Variants in POLD1 observed in about 807,000 individuals in gnomAD.
POLD1 encodes the protein DNA polymerase delta 1, catalytic subunit, also known as DNA polymerase delta catalytic subunit.
A neutral mutation model predicts 129.7 loss-of-function variants in POLD1; 79 were observed. The observed-to-expected ratio is 0.61, with a 90% confidence interval of 0.51 to 0.73. The LOEUF (loss-of-function observed/expected upper bound fraction) is 0.73, where lower values mean the gene tolerates loss of function less well. Ranked by LOEUF, POLD1 falls within the 30% of genes least tolerant of loss-of-function variation. The probability of loss-of-function intolerance (pLI) is 0.00; values close to 1 mark genes in which losing one functional copy is unlikely to be tolerated. For missense variants in POLD1, 1,338 were observed against 1,595.8 expected (o/e 0.84, Z 2.75); for synonymous variants, 714 against 683.3 (o/e 1.04, Z -0.70).
chr19:50,401,396 T>TACA (rs1555789658), intron 3 of POLD1, among the ~76,000 whole-genome samples: 1 of 78,760 alleles, frequency 1.3e-5, no homozygotes, highest in Non-Finnish European at 2.4e-5. Flanking sequence ...TATATATTTT[T>TACA]TTTTTTTTTT....
intron 24 of POLD1, 76 bp from the exon 25 acceptor site, chr19:50,416,969 A>G (rs2039321933): frequency 1.4e-6 from 2 of 1,427,436 alleles, no homozygotes; most frequent in Admixed American, 4.5e-5. Context: ...AGAAGCTGGG[A>G]TTGGCAGTGG....
At chr19:50,416,104 TACCCCCACCCCCAGTG>T in intron 22 of POLD1, 1 of 568,998 alleles carries the variant, frequency 1.8e-6, no homozygotes, top group Non-Finnish European at 3.1e-6. Context: ...CCTCCAGCTC[TACCCCCACCCCCAGTG>T]ACCCACATCT....
Position 50,398,865 on chromosome 19 carries a change from G to A in POLD1, c.14G>A (p.Arg5Gln), listed in dbSNP as rs748471297. The change falls in exon 2 of 27, where the codon CGG becomes CAG. Residue 5 changes from arginine to glutamine, a missense_variant. By Grantham distance (43) the Arg-to-Gln change is conservative. Coordinates refer to ENST00000440232, the MANE Select transcript of POLD1 (RefSeq NM_002691.4). ...TTGCCCAGCAGGATGGATGGCAAGC[G>A]GCGGCCAGGCCCAGGGCCCGGGGTG... MDGK[R>Q]RPGPGPGVPP... The A allele has an allele frequency of 4.2e-5, 67 of 1,608,202 alleles. No homozygotes were observed. The highest frequency in any genetic ancestry group is 6.7e-5 in the Admixed American group (4 of 59,434).
At chr19:50,384,805 T>G (rs2037915096) in intron 1 of POLD1, among the ~76,000 whole-genome samples, 1 of 152,156 alleles carries the variant, frequency 6.6e-6, no homozygotes, top group Non-Finnish European at 1.5e-5. Flanking sequence ...TGAGTTTTAA[T>G]AGATCAGTAA....
intron 3 of POLD1, among the ~76,000 whole-genome samples, chr19:50,400,992 G>C (rs935419281): frequency 1.3e-5 from 2 of 151,506 alleles, no homozygotes; most frequent in Non-Finnish European, 2.9e-5. Flanking sequence ...CACCGCGCCC[G>C]GCCTGGCTAA....
intron 10 of POLD1, among the ~76,000 whole-genome samples, chr19:50,404,324 G>T (rs1408966815): frequency 2.1e-5 from 3 of 141,720 alleles, no homozygotes; most frequent in Non-Finnish European, 4.5e-5. Flanking sequence ...GTGCAGTGGC[G>T]CAATCTTGGC....
chr19:50,395,223 C>T (rs535500847), intron 1 of POLD1: 1 of 144,890 alleles, frequency 6.9e-6, no homozygotes, highest in African/African-American at 2.8e-5. Flanking sequence ...TAGTGTAGGC[C>T]GGGCGCGGTG....
intron 3 of POLD1, among the ~76,000 whole-genome samples, chr19:50,401,391 A>ATATAT (rs1334231607): frequency 6.8e-4 from 45 of 65,992 alleles, no homozygotes; most frequent in Non-Finnish European, 8.5e-4. Context: ...ATATATATAT[A>ATATAT]TTTTTTTTTT....
intron 1 of POLD1, chr19:50,395,010 T>TC (rs1170583710): frequency 6.6e-6 from 1 of 150,496 alleles, no homozygotes; most frequent in East Asian, 2.0e-4. Flanking sequence ...TAATTTTTTT[T>TC]TTTTTTTTTT....
chr19:50,386,681 C>T (rs900599355), intron 1 of POLD1, among the ~76,000 whole-genome samples: 1 of 152,176 alleles, frequency 6.6e-6, no homozygotes, highest in Non-Finnish European at 1.5e-5. Context: ...CGAACACTGC[C>T]TAAGGCCTCC....
At chr19:50,416,746 C>T (rs2122499245) in intron 24 of POLD1, 23 bp downstream of exon 24, 1 of 1,462,756 alleles carries the variant, frequency 6.8e-7, no homozygotes, top group Non-Finnish European at 9.2e-7. Context: ...GGCCACTGGG[C>T]CCCCACTGGC....
intron 1 of POLD1, among the ~76,000 whole-genome samples, chr19:50,398,207 A>G (rs978884224): frequency 5.3e-5 from 8 of 152,154 alleles, no homozygotes; most frequent in African/African-American, 1.7e-4. Context: ...TGTCATTTCA[A>G]TGGCAGATGG....
In POLD1 at chr19:50,415,433, T is replaced by C. The variant is rs2122474072; in HGVS notation, c.2565-5T>C. 1 of 1,611,816 alleles carries C rather than the reference T, an allele frequency of 6.2e-7. No individual in the cohort carries two copies. On this transcript the variant is annotated splice_polypyrimidine_tract_variant and splice_region_variant and intron_variant, in intron 20 of 26. Coordinates refer to ENST00000440232, the MANE Select transcript of POLD1 (RefSeq NM_002691.4). ...GGTGACGCTGTGCGGCCCGCTCTCC[T>C]ACAGAGACCCTGAGGGCGCGGTGGC... is the stretch of plus-strand genomic sequence containing the variant.
In POLD1 at chr19:50,403,061, C is replaced by A. The variant is rs2038721213; in HGVS notation, c.979C>A (p.Pro327Thr). Reference sequence around the variant, plus strand: ...ATCCTCCTGCCTCGCAGGCATCTTCCCTGAGCCTGAGCGGGACCCTGTCAT... The same window carrying A: ...ATCCTCCTGCCTCGCAGGCATCTTCACTGAGCCTGAGCGGGACCCTGTCAT... ...IECAGRKGIFPEPERDPVIQI... is the reference protein window; with the variant it reads ...IECAGRKGIFTEPERDPVIQI... Residue 327 changes from proline (P) to threonine (T), a missense_variant, in exon 9 of 27, where the codon CCT (proline) becomes ACT (threonine). Coordinates refer to ENST00000440232, the MANE Select transcript of POLD1 (RefSeq NM_002691.4). The A allele has an allele frequency of 6.4e-7, 1 of 1,558,874 alleles. No homozygotes were observed. Among genetic ancestry groups the A allele is most frequent in the South Asian group, 1.2e-5 (1 of 84,670 alleles).
At position 50,415,824 on chromosome 19, in the gene POLD1, G is replaced by A. The variant is rs1414539977; in HGVS notation, c.2818G>A (p.Glu940Lys). Residue 940 changes from glutamate (E) to lysine (K), a missense_variant and splice_region_variant, in exon 22 of 27, where the codon GAG becomes AAG. Glu to Lys is a moderately conservative substitution (Grantham distance 56). Coordinates refer to ENST00000440232, the MANE Select transcript of POLD1 (RefSeq NM_002691.4). Reference sequence around the variant, plus strand: ...GGGTGTGGCCGCCTACATGAAGTCGGAGGTCAGGCCCACCTGGCTGCCTGC... The same window carrying A: ...GGGTGTGGCCGCCTACATGAAGTCGAAGGTCAGGCCCACCTGGCTGCCTGC... ...AKGVAAYMKS[E>K]DPLFVLEHSL... The A allele has an allele frequency of 2.0e-6, 3 of 1,516,872 alleles. No individual in the cohort carries two copies. Among genetic ancestry groups the A allele is most frequent in the Non-Finnish European group, 2.7e-6 (3 of 1,130,362 alleles). The allele number at this position is 1,516,872 out of a possible 1,614,324, so 94.0% of individuals were successfully genotyped here. A position where few individuals can be genotyped will look rare whatever the true frequency, so the allele number is the denominator to read the frequency against.
At chr19:50,394,493 A>C (rs921748721) in intron 1 of POLD1, among the ~76,000 whole-genome samples, 2 of 152,016 alleles carry the variant, frequency 1.3e-5, no homozygotes, top group African/African-American at 4.8e-5. Flanking sequence ...CTCTACTAAA[A>C]ATACAAAAAA....
In POLD1 at chr19:50,415,841, G is replaced by GATGC; in HGVS notation, c.2820+15_2820+16insATGC. 1 of 1,458,036 alleles carries GATGC rather than the reference G, an allele frequency of 6.9e-7. No homozygotes were observed. Among genetic ancestry groups the GATGC allele is most frequent in the Non-Finnish European group, 9.1e-7 (1 of 1,093,260 alleles). 90.3% of individuals were successfully genotyped at this position (1,458,036 alleles called of 1,614,324 possible). On this transcript the variant is annotated intron_variant, in intron 22 of 26. Coordinates refer to ENST00000440232, the MANE Select transcript of POLD1 (RefSeq NM_002691.4). ...TGAAGTCGGAGGTCAGGCCCACCTG[G>GATGC]CTGCCTGCTCCCGCCCAGCCCCCTC... is the stretch of plus-strand genomic sequence containing the variant.
chr19:50,402,559 C>T, intron 7 of POLD1, 24 bp downstream of exon 7: 1 of 1,579,634 alleles, frequency 6.3e-7, no homozygotes, highest in Non-Finnish European at 8.6e-7. Context: ...CAGGGCAGGG[C>T]TGGGTGGGGA....
chr19:50,398,858 G>A lies in POLD1; in HGVS notation c.7G>A (p.Gly3Ser). The A allele has an allele frequency of 6.2e-7, 1 of 1,608,220 alleles. No individual in the cohort carries two copies. Among genetic ancestry groups the A allele is most frequent in the Non-Finnish European group, 8.5e-7 (1 of 1,178,756 alleles). Residue 3 changes from glycine to serine, a missense_variant, in exon 2 of 27, where the codon GGC (glycine) becomes AGC (serine). Coordinates refer to ENST00000440232, the MANE Select transcript of POLD1 (RefSeq NM_002691.4). MD[G>S]KRRPGPGPGV... ...CTCCAACTTGCCCAGCAGGATGGAT[G>A]GCAAGCGGCGGCCAGGCCCAGGGCC...
Sources: allele counts gnomAD v4.1 joint callset (sites outside exome capture counted in the v4.1 genomes callset), GRCh38; gene constraint gnomAD v4.1.1; transcripts MANE v1.5; gene names NCBI Gene and HGNC (gene_info 2026-07-23, HGNC 2026-07-21).